Variants in FHOD1 observed in about 807,000 individuals in gnomAD.
FHOD1 encodes the protein FH1/FH2 domain-containing protein 1.
In FHOD1, 89 loss-of-function variants were observed where a neutral mutation model predicts 111.6. That is an observed-to-expected ratio of 0.80 (90% CI 0.67 to 0.95). The LOEUF is 0.95. Among genes scored for constraint, FHOD1 ranks in the 40% least tolerant of loss-of-function variants. FHOD1 has a pLI of 0.00. For missense variants in FHOD1, 1,446 were observed against 1,554.2 expected, an observed-to-expected ratio of 0.93 and a Z score of 1.17; for synonymous variants, 618 against 639.0, an observed-to-expected ratio of 0.97 and a Z score of 0.50.
chr16:67,234,500 C>T (rs181045850), intron 11 of FHOD1, 28 bp from the exon 12 acceptor site: 16 of 1,542,396 alleles, frequency 1.0e-5, no homozygotes, highest in Admixed American at 9.6e-5. Flanking sequence ...TCACTGACAG[C>T]GTCTGACACA....
chr16:67,246,049 C>A (rs2034812260), intron 1 of FHOD1, among the ~76,000 whole-genome samples: 1 of 152,250 alleles, frequency 6.6e-6, no homozygotes, highest in African/African-American at 2.4e-5. Context: ...ATCCTTCCAG[C>A]CATGGCCTTG....
In FHOD1 at chr16:67,238,625, C is replaced by A. The variant is rs1187448583; in HGVS notation, c.374-178G>T. On this transcript the variant is annotated intron_variant, in intron 3 of 21. Coordinates refer to ENST00000258201, the MANE Select transcript of FHOD1 (RefSeq NM_013241.3). The surrounding 1 kb of genome is among the most constrained non-coding windows in gnomAD (Gnocchi z 4.2). ...GGAGTGCAGTGGCACAGTCATAGCT[C>A]ACTGCAACCTCAAACTCCTAGCCTC... 9 of 697,776 alleles carry A rather than the reference C, an allele frequency of 1.3e-5. No homozygotes were observed. Among genetic ancestry groups the A allele is most frequent in the Non-Finnish European group, 2.0e-5 (8 of 400,218 alleles). 43.2% of individuals were successfully genotyped at this position (697,776 alleles called of 1,614,324 possible). A position where few individuals can be genotyped will look rare whatever the true frequency, so the allele number is the denominator to read the frequency against.
In FHOD1 at chr16:67,238,699, G is replaced by A. The variant is rs1383393079; in HGVS notation, c.373+204C>T. The stretch of plus-strand genomic sequence containing the variant: ...CTCAAAGCACTGGCATTGGAGGCAT[G>A]AGCTACCACGCCTGGTCTATTCTAA... On this transcript the variant is annotated intron_variant, in intron 3 of 21. Transcript: ENST00000258201. The surrounding 1 kb of genome is among the most constrained non-coding windows in gnomAD (Gnocchi z 4.2). 2 of 656,012 alleles carry A rather than the reference G, an allele frequency of 3.0e-6. No homozygotes were observed. The highest frequency in any genetic ancestry group is 1.8e-5 in the South Asian group (1 of 55,104). 40.6% of individuals were successfully genotyped at this position (656,012 alleles called of 1,614,324 possible). A position where few individuals can be genotyped will look rare whatever the true frequency, so the allele number is the denominator to read the frequency against.
Position 67,237,874 on chromosome 16 carries a change from G to C in FHOD1, c.643-106C>G. On this transcript the variant is annotated intron_variant, in intron 6 of 21. Transcript: ENST00000258201. This position sits in a 1 kb window ranked among gnomAD's most constrained non-coding sequence, Gnocchi z 5.6. ...TGGGGCTGGACCCAGAGAGAATCTA[G>C]GCAGAATGACCCTGGCCCCAGGCCC... 7.4e-7 allele frequency: 1 copy of C among 1,343,948 alleles called. No homozygotes were observed. The highest frequency in any genetic ancestry group is 1.1e-6 in the Non-Finnish European group (1 of 944,672). 83.3% of individuals were successfully genotyped at this position (1,343,948 alleles called of 1,614,324 possible).
chr16:67,231,816 G>T lies in FHOD1; in HGVS notation c.2206C>A (p.Leu736Ile). ...TCCTCCGTGGGCATCATGGTCAGTA[G>T]CTTCTGAGGATGTAGCCAGAGCCTG... Reference protein sequence around the residue: ...FAVSKDGIEKLLTMMPTEEER... With the variant: ...FAVSKDGIEKILTMMPTEEER... The change falls in exon 15 of 22, where the codon CTA becomes ATA. Residue 736 changes from leucine (L) to isoleucine (I), a missense_variant. Physicochemically the swap from Leu to Ile is conservative, Grantham distance 5 (BLOSUM62 2). Transcript: ENST00000258201. The surrounding 1 kb of genome is among the most constrained non-coding windows in gnomAD (Gnocchi z 4.3). The T allele has an allele frequency of 6.2e-7, 1 of 1,613,706 alleles. No individual in the cohort carries two copies. Among genetic ancestry groups the T allele is most frequent in the Non-Finnish European group, 8.5e-7 (1 of 1,179,730 alleles).
In FHOD1 at chr16:67,236,096, A is replaced by T. The variant is rs140972620; in HGVS notation, c.1319+461T>A. 68 of 931,424 alleles carry T rather than the reference A, an allele frequency of 7.3e-5. No homozygotes were observed. The East Asian group carries it at 7.6e-3, about 104-fold the overall frequency. The allele number at this position is 931,424 out of a possible 1,614,324, so 57.7% of individuals were successfully genotyped here. A position where few individuals can be genotyped will look rare whatever the true frequency, so the allele number is the denominator to read the frequency against. On this transcript the variant is annotated intron_variant, in intron 11 of 21. Coordinates refer to ENST00000258201, the MANE Select transcript of FHOD1 (RefSeq NM_013241.3). ...TGGGTAGGGGGGATGAGAGGAAGAG[A>T]TGGTAACTGTGGTGTCAGCTCCATG...
intron 11 of FHOD1, among the ~76,000 whole-genome samples, chr16:67,235,460 G>A (rs190354752): frequency 6.6e-6 from 1 of 151,384 alleles, no homozygotes; most frequent in Admixed American, 6.6e-5. Context: ...AACCTGGGAG[G>A]CAGAGGTTGC....
rs1381796690 is a variant in FHOD1, at chr16:67,247,201, C to T, written c.201+9G>A. On this transcript the variant is annotated intron_variant, in intron 1 of 21. Transcript: ENST00000258201. Reference sequence around the variant, plus strand: ...CCGATCGCCCCAACCTTTCTCCGGCCTCCCTCACCTTGAGCGGCGCTCCCA... The same window carrying T: ...CCGATCGCCCCAACCTTTCTCCGGCTTCCCTCACCTTGAGCGGCGCTCCCA... The T allele has an allele frequency of 1.3e-6, 2 of 1,545,416 alleles. No homozygotes were observed. The highest frequency in any genetic ancestry group is 2.4e-5 in the East Asian group (1 of 41,768).
rs1597316534 is a variant in FHOD1 at position 67,231,564 on chromosome 16, C to T, written c.2386-15G>A. The T allele has an allele frequency of 1.9e-6, 3 of 1,614,140 alleles. No individual in the cohort carries two copies. Among genetic ancestry groups the T allele is most frequent in the Non-Finnish European group, 2.5e-6 (3 of 1,180,016 alleles). On this transcript the variant is annotated splice_polypyrimidine_tract_variant and intron_variant, in intron 15 of 21. Coordinates refer to ENST00000258201, the MANE Select transcript of FHOD1 (RefSeq NM_013241.3). This position sits in a 1 kb window ranked among gnomAD's most constrained non-coding sequence, Gnocchi z 4.3. ...TCAGCAATTTCCTGGTATGGGAGAC[C>T]AGGGACTCTCAGACTACATGGTCAT...
chr16:67,233,164 G>A (rs2034343729), intron 13 of FHOD1, among the ~76,000 whole-genome samples: 2 of 151,458 alleles, frequency 1.3e-5, no homozygotes, highest in African/African-American at 4.9e-5. Context: ...TCGACTCACT[G>A]CAACCTCTAC....
rs910534490 is a variant in FHOD1 at position 67,238,189 on chromosome 16, G to A, written c.547+13C>T. ...CGCTGGAGCAGAGGTCATGGGAGAG[G>A]GGCGGGGCTGACCTCTAAGGATGTA... On this transcript the variant is annotated intron_variant, in intron 5 of 21. Coordinates refer to ENST00000258201, the MANE Select transcript of FHOD1 (RefSeq NM_013241.3). The surrounding 1 kb of genome is among the most constrained non-coding windows in gnomAD (Gnocchi z 4.2). The A allele has an allele frequency of 5.6e-6, 9 of 1,613,874 alleles. No homozygotes were observed. In the East Asian group the frequency reaches 2.0e-4, roughly 36 times the overall value.
chr16:67,230,246 G>T lies in FHOD1; in HGVS notation c.3052-18C>A. The T allele has an allele frequency of 6.2e-7, 1 of 1,613,834 alleles. No homozygotes were observed. The highest frequency in any genetic ancestry group is 8.5e-7 in the Non-Finnish European group (1 of 1,179,788). On this transcript the variant is annotated intron_variant, in intron 19 of 21. Transcript: ENST00000258201. ...TTCTCTGTCTGGAGAAAGAAGAAGG[G>T]TGAGCTGGGAGGAGCGAAGGAAACC...
rs1265666981 is a variant in FHOD1, at chr16:67,247,382, C to G, written c.29G>C (p.Gly10Ala). 6.2e-7 allele frequency: 1 copy of G among 1,613,108 alleles called. No homozygotes were observed. The highest frequency in any genetic ancestry group is 8.5e-7 in the Non-Finnish European group (1 of 1,179,720). MAGGEDRGD[G>A]EPVSVVTVRV... ...CACGGTCACCACTGATACCGGCTCT[C>G]CGTCCCCGCGGTCTTCCCCGCCCGC... The change falls in exon 1 of 22, where the codon GGA (glycine) becomes GCA (alanine). Residue 10 changes from glycine (G) to alanine (A), a missense_variant. This residue lies in a region of FHOD1 where 127 missense variants were observed against 118.0 expected (regional missense o/e 1.08). Coordinates refer to ENST00000258201, the MANE Select transcript of FHOD1 (RefSeq NM_013241.3).
intron 1 of FHOD1, among the ~76,000 whole-genome samples, chr16:67,243,600 G>A (rs1201275901): frequency 6.6e-6 from 1 of 152,118 alleles, no homozygotes; most frequent in Non-Finnish European, 1.5e-5. Context: ...TTGCCCCAGG[G>A]TGCACAGCCA....
chr16:67,232,258 C>A (rs2034308167), intron 13 of FHOD1, 64 bp from the exon 14 acceptor site: 5 of 1,567,086 alleles, frequency 3.2e-6, no homozygotes, highest in Admixed American at 1.7e-5. Flanking sequence ...TGGCTCACGC[C>A]TGTAATCCCA....
rs777585936 is a variant in FHOD1, at chr16:67,238,181, T to C, written c.547+21A>G. 2 of 1,613,668 alleles carry C rather than the reference T, an allele frequency of 1.2e-6. No homozygotes were observed. The highest frequency in any genetic ancestry group is 2.2e-5 in the South Asian group (2 of 91,070). On this transcript the variant is annotated intron_variant, in intron 5 of 21. Transcript: ENST00000258201. The surrounding 1 kb of genome is among the most constrained non-coding windows in gnomAD (Gnocchi z 4.2). ...GCGAGGGTCGCTGGAGCAGAGGTCA[T>C]GGGAGAGGGGCGGGGCTGACCTCTA... is the stretch of plus-strand genomic sequence containing the variant.
intron 11 of FHOD1, 157 bp downstream of exon 11, chr16:67,236,400 C>T (rs1326498453): frequency 6.8e-7 from 1 of 1,461,800 alleles, no homozygotes; most frequent in Non-Finnish European, 9.0e-7. Flanking sequence ...CACCCGCTGG[C>T]AGTCACTTAC....
At chr16:67,236,384 G>A (rs2034475528) in intron 11 of FHOD1, 173 bp downstream of exon 11, 14 of 1,453,408 alleles carry the variant, frequency 9.6e-6, no homozygotes, top group East Asian at 5.0e-5. Flanking sequence ...AGTCAGAGCC[G>A]AACCCCACCC....
intron 1 of FHOD1, chr16:67,246,913 G>C: frequency 2.3e-6 from 1 of 428,202 alleles, no homozygotes; most frequent in South Asian, 3.8e-5. Context: ...CTCTGACCAG[G>C]GAAGCCACCC....
Sources: gnomAD v4.1 joint callset for allele counts (sites outside exome capture counted in the v4.1 genomes callset) on GRCh38, gnomAD v4.1.1 for gene constraint, gnomAD v4.1.1 regional missense constraint, Gnocchi (gnomAD v3.1) non-coding constraint, MANE v1.5 for transcripts, NCBI Gene and HGNC (gene_info 2026-07-23, HGNC 2026-07-21) for gene names.